CORO2B: variants seen among roughly 807,000 people sequenced by gnomAD.
The protein encoded by CORO2B is coronin 2B.
In CORO2B, 26 loss-of-function variants were observed where a neutral mutation model predicts 58.8. That is an observed-to-expected ratio of 0.44 (90% CI 0.32 to 0.61). The LOEUF (loss-of-function observed/expected upper bound fraction) is 0.61. Ranked by LOEUF, CORO2B falls within the 20% of genes least tolerant of loss-of-function variation. CORO2B has a pLI of 0.04. For synonymous variants in CORO2B, 242 were observed against 253.8 expected (o/e 0.95, Z 0.44); for missense variants, 460 against 645.1 (o/e 0.71, Z 3.11).
chr15:68,622,830 G>A (rs1003403396), intron 1 of CORO2B, among the ~76,000 whole-genome samples: 2 of 152,258 alleles, frequency 1.3e-5, no homozygotes, highest in Non-Finnish European at 2.9e-5. Context: ...GAGGCAGGCA[G>A]AAGAGATTAG....
At chr15:68,580,853 C>T (rs531958782) in intron 1 of CORO2B, among the ~76,000 whole-genome samples, 14 of 152,254 alleles carry the variant, frequency 9.2e-5, no homozygotes, top group African/African-American at 3.1e-4. Context: ...TGCGCGAGCT[C>T]ATGCAGCCTT....
chr15:68,549,839 G>A, the CORO2B span, among the ~76,000 whole-genome samples: 1 of 152,116 alleles, frequency 6.6e-6, no homozygotes, highest in Admixed American at 6.5e-5. Flanking sequence ...TACTTGGGAG[G>A]CTGAGGCAGG....
chr15:68,616,944 A>G (rs184238059), intron 1 of CORO2B, among the ~76,000 whole-genome samples: 4 of 152,346 alleles, frequency 2.6e-5, no homozygotes, highest in East Asian at 1.9e-4. Flanking sequence ...GAAGAAGGGA[A>G]AGGAAGGAAC....
At chr15:68,574,461 A>G (rs1027802629), upstream of CORO2B, among the ~76,000 whole-genome samples, 7 of 152,194 alleles carry the variant, frequency 4.6e-5, no homozygotes, top group Non-Finnish European at 7.3e-5. Flanking sequence ...AAAGACTGCA[A>G]GCCCAAGCCC....
intron 1 of CORO2B, among the ~76,000 whole-genome samples, chr15:68,640,450 T>C (rs148524549): frequency 9.2e-5 from 14 of 151,706 alleles, no homozygotes; most frequent in African/African-American, 2.9e-4. Flanking sequence ...AGACAAATCA[T>C]TGGAATGTTT....
At chr15:68,706,813 G>A (rs114918800) in intron 3 of CORO2B, among the ~76,000 whole-genome samples, 4,191 of 151,968 alleles carry the variant, frequency 0.028, 195 homozygotes, top group African/African-American at 0.097. Context: ...GGGCTCAAGC[G>A]ATCTTCCCCT....
At chr15:68,596,424 G>T in intron 1 of CORO2B, among the ~76,000 whole-genome samples, 1 of 151,616 alleles carries the variant, frequency 6.6e-6, no homozygotes. Flanking sequence ...AGCCCCATGG[G>T]ATCTAGGGGG....
chr15:68,692,508 C>T (rs1892403221), intron 2 of CORO2B, among the ~76,000 whole-genome samples: 2 of 151,742 alleles, frequency 1.3e-5, no homozygotes, highest in South Asian at 4.2e-4. Context: ...TCGCTTGAAC[C>T]CGGGAGGCGG....
At chr15:68,568,093 G>A in the CORO2B span, among the ~76,000 whole-genome samples, 1 of 152,216 alleles carries the variant, frequency 6.6e-6, no homozygotes, top group Non-Finnish European at 1.5e-5. Context: ...CCAGTGATCT[G>A]GCAATGGGGC....
chr15:68,689,486 T>C (rs994594579), intron 2 of CORO2B, among the ~76,000 whole-genome samples: 1 of 152,218 alleles, frequency 6.6e-6, no homozygotes, highest in Non-Finnish European at 1.5e-5. Flanking sequence ...TTTGATTATA[T>C]TTGTAAATCA....
At chr15:68,535,195 T>A in the CORO2B span, among the ~76,000 whole-genome samples, 1 of 152,208 alleles carries the variant, frequency 6.6e-6, no homozygotes, top group African/African-American at 2.4e-5. Context: ...CATGTTTCTG[T>A]TGGAATTTAG....
chr15:68,612,489 C>T (rs1172052927), intron 1 of CORO2B, among the ~76,000 whole-genome samples: 1 of 152,116 alleles, frequency 6.6e-6, no homozygotes, highest in Admixed American at 6.5e-5. Context: ...GAAGTGAGTG[C>T]TCTGAGGTCT....
intron 1 of CORO2B, among the ~76,000 whole-genome samples, chr15:68,581,376 C>G (rs1899421192): frequency 6.6e-6 from 1 of 152,206 alleles, no homozygotes; most frequent in East Asian, 1.9e-4. Flanking sequence ...TTGTGGGGAA[C>G]AGAGAGCAAG....
intron 2 of CORO2B, among the ~76,000 whole-genome samples, chr15:68,685,941 C>G (rs1465449076): frequency 6.7e-6 from 1 of 148,532 alleles, no homozygotes; most frequent in African/African-American, 2.5e-5. Flanking sequence ...TCTCCAAGAA[C>G]AAATCTAAGG....
At chr15:68,695,289 G>A in intron 3 of CORO2B, 33 bp downstream of exon 3, 3 of 1,528,342 alleles carry the variant, frequency 2.0e-6, no homozygotes, top group Non-Finnish European at 2.7e-6. Flanking sequence ...AGGAGGGTGG[G>A]CTCAGGCCCC....
intron 2 of CORO2B, among the ~76,000 whole-genome samples, chr15:68,693,084 A>C (rs939363478): frequency 2.0e-5 from 3 of 152,206 alleles, no homozygotes; most frequent in African/African-American, 7.2e-5. Flanking sequence ...TTCCCACAAC[A>C]TACAACATCA....
chr15:68,640,903 G>T (rs924543858), intron 1 of CORO2B, among the ~76,000 whole-genome samples: 3 of 152,226 alleles, frequency 2.0e-5, no homozygotes, highest in Admixed American at 2.0e-4. Flanking sequence ...CCCAAGGTCA[G>T]TAGGAGTCTG....
chr15:68,603,797 G>A (rs1900040573), intron 1 of CORO2B, among the ~76,000 whole-genome samples: 1 of 152,168 alleles, frequency 6.6e-6, no homozygotes, highest in Non-Finnish European at 1.5e-5. Flanking sequence ...CTCCAGAACT[G>A]TACGAAATAA....
intron 1 of CORO2B, among the ~76,000 whole-genome samples, chr15:68,630,516 TG>T (rs1245971383): frequency 6.6e-6 from 1 of 151,920 alleles, no homozygotes; most frequent in Non-Finnish European, 1.5e-5. Flanking sequence ...TTCTTTGCTG[TG>T]GGGGCAGAAA....
Sources: allele counts gnomAD v4.1 joint callset (sites outside exome capture counted in the v4.1 genomes callset), GRCh38; gene constraint gnomAD v4.1.1; transcripts MANE v1.5; gene names NCBI Gene and HGNC (gene_info 2026-07-23, HGNC 2026-07-21).